The following PRAG1 variants were observed in gnomAD, a reference collection of about 807,000 sequenced individuals.
PRAG1 encodes PEAK1 related, kinase-activating pseudokinase 1, also known as inactive tyrosine-protein kinase PRAG1.
In PRAG1, 110 loss-of-function variants were observed where a neutral mutation model predicts 95.6. That is an observed-to-expected ratio of 1.15 (90% CI 0.99 to 1.35). The LOEUF (loss-of-function observed/expected upper bound fraction) is 1.35, where lower values mean the gene tolerates loss of function less well. PRAG1 is among the 40% of genes most tolerant of loss of function. The probability of loss-of-function intolerance (pLI) is 0.00; values close to 1 mark genes in which losing one functional copy is unlikely to be tolerated. For synonymous variants in PRAG1, 1,052 were observed against 819.4 expected, an observed-to-expected ratio of 1.28 and a Z score of -4.85; for missense variants, 2,554 against 1,864.7, an observed-to-expected ratio of 1.37 and a Z score of -6.81.
chr8:8,372,114 A>G (rs899394399), intron 3 of PRAG1, among the ~76,000 whole-genome samples: 6 of 152,224 alleles, frequency 3.9e-5, no homozygotes, highest in African/African-American at 1.4e-4. Context: ...CCCAAAAGTC[A>G]TTAAGTCATT....
In PRAG1 at chr8:8,376,608, T is replaced by G. The variant is rs779290047; in HGVS notation, c.1801A>C (p.Thr601Pro). Residue 601 changes from threonine (T) to proline (P), a missense_variant, in exon 3 of 6, where the codon ACC (threonine) becomes CCC (proline). Coordinates refer to ENST00000615670, the MANE Select transcript of PRAG1 (RefSeq NM_001080826.3). ...GPADPAPSCR[T>P]NGVAISDPSR... ...GGGTCACTGATAGCGACACCGTTGG[T>G]CCGGCAGGAAGGAGCGGGGTCAGCA... is the stretch of plus-strand genomic sequence containing the variant. 7.5e-6 allele frequency: 12 copies of G among 1,603,700 alleles called. 1 individual carries two copies. In the South Asian group the frequency reaches 1.3e-4, roughly 18 times the overall value.
At position 8,382,228 on chromosome 8, in the gene PRAG1, C is replaced by T. The variant is rs141702566; in HGVS notation, c.-87-394G>A. On this transcript the variant is annotated intron_variant, in intron 1 of 5. Coordinates refer to ENST00000615670, the MANE Select transcript of PRAG1 (RefSeq NM_001080826.3). Reference sequence around the variant, plus strand: ...TGACACCGGGGCCTAGAGTCTGGGACGCTGACCCACAGAAACAAGAACTGT... The same window carrying T: ...TGACACCGGGGCCTAGAGTCTGGGATGCTGACCCACAGAAACAAGAACTGT... 1.3e-3 allele frequency among the ~76,000 whole-genome samples: 194 copies of T among 152,192 alleles called. 1 individual carries two copies. The highest frequency in any genetic ancestry group is 4.3e-3 in the African/African-American group (180 of 41,540).
intron 3 of PRAG1, among the ~76,000 whole-genome samples, chr8:8,347,335 T>C (rs1799379161): frequency 6.6e-6 from 1 of 152,198 alleles, no homozygotes; most frequent in Admixed American, 6.5e-5. Flanking sequence ...GAGCTCTCTG[T>C]TTCCCCTCAG....
At chr8:8,374,579 G>A (rs1317203534) in intron 3 of PRAG1, 4 of 853,540 alleles carry the variant, frequency 4.7e-6, no homozygotes, top group Admixed American at 1.2e-4. Flanking sequence ...AGGATGAAAT[G>A]AGTTGTTATG....
chr8:8,342,727 G>T (rs1183600940), intron 3 of PRAG1, among the ~76,000 whole-genome samples: 3 of 152,048 alleles, frequency 2.0e-5, no homozygotes, highest in Non-Finnish European at 4.4e-5. Flanking sequence ...AAGAAAAAAA[G>T]AAAGTAGAGC....
intron 3 of PRAG1, among the ~76,000 whole-genome samples, chr8:8,363,890 C>T (rs1323880140): frequency 4.6e-5 from 7 of 151,966 alleles, no homozygotes; most frequent in African/African-American, 1.5e-4. Context: ...CAGTCAATAC[C>T]AGTATGAGGT....
Position 8,381,751 on chromosome 8 carries a change from G to T in PRAG1, c.-4C>A. ...TCAGGCAGAGGGTCTGGTGCATCTTGAGCCGACAGGGTGCTGGTTCATCTT... is the reference window on the plus strand; with the variant it reads ...TCAGGCAGAGGGTCTGGTGCATCTTTAGCCGACAGGGTGCTGGTTCATCTT... On this transcript the variant is annotated 5_prime_UTR_variant, in exon 2 of 6. It introduces an in-frame stop codon into an upstream open reading frame of the 5' UTR. Coordinates refer to ENST00000615670, the MANE Select transcript of PRAG1 (RefSeq NM_001080826.3). 3 of 1,570,860 alleles carry T rather than the reference G, an allele frequency of 1.9e-6. No homozygotes were observed. Among genetic ancestry groups the T allele is most frequent in the Non-Finnish European group, 2.6e-6 (3 of 1,154,002 alleles).
In PRAG1 at chr8:8,386,325, G is replaced by C. The variant is rs1045344272; in HGVS notation, c.-92C>G. 1 of 152,340 alleles carries C rather than the reference G, an allele frequency of 6.6e-6. No homozygotes were observed. The highest frequency in any genetic ancestry group is 2.1e-4 in the South Asian group (1 of 4,834). 9.4% of individuals were successfully genotyped at this position (152,340 alleles called of 1,614,324 possible). A position where few individuals can be genotyped will look rare whatever the true frequency, so the allele number is the denominator to read the frequency against. ...GAGAGCGCGTCGCGGGCTCACCTCT[G>C]GGCTGCGCTCCCCCGGCCCCTCCGT... is the stretch of plus-strand genomic sequence containing the variant. On this transcript the variant is annotated 5_prime_UTR_variant, in exon 1 of 6. Transcript: ENST00000615670.
At chr8:8,337,506 G>T (rs1176068817) in intron 4 of PRAG1, among the ~76,000 whole-genome samples, 1 of 152,118 alleles carries the variant, frequency 6.6e-6, no homozygotes, top group African/African-American at 2.4e-5. Flanking sequence ...GAGAGAGAAA[G>T]AATGTCATGC....
intron 3 of PRAG1, among the ~76,000 whole-genome samples, chr8:8,360,175 A>G (rs1377537654): frequency 6.6e-6 from 1 of 152,182 alleles, no homozygotes; most frequent in African/African-American, 2.4e-5. Context: ...ATTCTTCTTC[A>G]GAAGTAGTCA....
chr8:8,352,103 T>C (rs538152487), intron 3 of PRAG1, among the ~76,000 whole-genome samples: 157 of 152,344 alleles, frequency 1.0e-3, no homozygotes, highest in African/African-American at 3.8e-3. Flanking sequence ...TTGAACCAGC[T>C]TCAGTGTATT....
At position 8,377,947 on chromosome 8, in the gene PRAG1, G is replaced by T; in HGVS notation, c.462C>A (p.Arg154=). ...GPSTSPDGNS[R]CPPAYTMVGL... Reference sequence around the variant, plus strand: ...CGACCATGGTGTAAGCTGGGGGACAGCGAGAATTGCCATCAGGGGAGGTAG... The same window carrying T: ...CGACCATGGTGTAAGCTGGGGGACATCGAGAATTGCCATCAGGGGAGGTAG... The change falls in exon 3 of 6, where the codon CGC becomes CGA. Residue 154 remains arginine (R), a synonymous_variant. Coordinates refer to ENST00000615670, the MANE Select transcript of PRAG1 (RefSeq NM_001080826.3). 1 of 1,613,994 alleles carries T rather than the reference G, an allele frequency of 6.2e-7. No homozygotes were observed. Among genetic ancestry groups the T allele is most frequent in the South Asian group, 1.1e-5 (1 of 91,066 alleles).
intron 1 of PRAG1, among the ~76,000 whole-genome samples, chr8:8,384,487 G>T (rs1463533710): frequency 6.6e-6 from 1 of 151,488 alleles, no homozygotes; most frequent in African/African-American, 2.4e-5. Context: ...TTTTTAAAGG[G>T]AAGTCATTGA....
At chr8:8,380,093 AAAAAACAAAAAC>A (rs939338242) in intron 2 of PRAG1, among the ~76,000 whole-genome samples, 2 of 151,806 alleles carry the variant, frequency 1.3e-5, no homozygotes, top group Non-Finnish European at 2.9e-5. Flanking sequence ...TATCTCCACC[AAAAAACAAAAAC>A]AAAAACAAAA....
chr8:8,321,570 G>T (rs1798473130), intron 5 of PRAG1, among the ~76,000 whole-genome samples: 1 of 152,192 alleles, frequency 6.6e-6, no homozygotes, highest in Admixed American at 6.5e-5. Context: ...GCTCTTGCAT[G>T]TGCAAGTACT....
chr8:8,371,123 T>G (rs1800182932), intron 3 of PRAG1, among the ~76,000 whole-genome samples: 1 of 130,562 alleles, frequency 7.7e-6, no homozygotes, highest in Non-Finnish European at 1.6e-5. Context: ...GCGACAGAGA[T>G]TCTGTCTCAA....
chr8:8,344,016 A>G (rs1799254093), intron 3 of PRAG1, among the ~76,000 whole-genome samples: 1 of 152,182 alleles, frequency 6.6e-6, no homozygotes, highest in African/African-American at 2.4e-5. Flanking sequence ...TATAACCTAT[A>G]TCAATTATTA....
intron 5 of PRAG1, among the ~76,000 whole-genome samples, chr8:8,326,284 ATAT>A (rs907243494): frequency 1.5e-4 from 22 of 149,946 alleles, no homozygotes; most frequent in African/African-American, 3.9e-4. Flanking sequence ...ATATTGTTTA[ATAT>A]TATTTTTAAA....
rs147629228 is a variant in PRAG1, at chr8:8,341,254, G to C, written c.2163-1619C>G. 3.5e-4 allele frequency among the ~76,000 whole-genome samples: 54 copies of C among 152,250 alleles called. No homozygotes were observed. In the East Asian group the frequency reaches 0.01, roughly 29 times the overall value. On this transcript the variant is annotated intron_variant, in intron 3 of 5. Coordinates refer to ENST00000615670, the MANE Select transcript of PRAG1 (RefSeq NM_001080826.3). ...CAGCTTCCCACTCCACAAACTTCAT[G>C]AAATGTATGTAAATAGACAAAACCA...
Sources: gnomAD v4.1 joint callset for allele counts (sites outside exome capture counted in the v4.1 genomes callset) on GRCh38, gnomAD v4.1.1 for gene constraint, MANE v1.5 for transcripts, NCBI Gene and HGNC (gene_info 2026-07-23, HGNC 2026-07-21) for gene names.